The following SLC5A10 variants were observed in gnomAD, a reference collection of about 807,000 sequenced individuals.
The protein encoded by SLC5A10 is sodium/mannose cotransporter SLC5A10.
A neutral mutation model predicts 68.9 loss-of-function variants in SLC5A10; 55 were observed. That is an observed-to-expected ratio of 0.80 (90% CI 0.64 to 1.00). The LOEUF (loss-of-function observed/expected upper bound fraction) is 1.00, where lower values mean the gene tolerates loss of function less well. Among genes scored for constraint, SLC5A10 ranks in the 50% least tolerant of loss-of-function variants. The pLI is 0.00. For synonymous variants in SLC5A10, 344 were observed against 344.8 expected, an observed-to-expected ratio of 1.00 and a Z score of 0.02; for missense variants, 732 against 819.3, an observed-to-expected ratio of 0.89 and a Z score of 1.30.
At chr17:18,956,022 C>A (rs575244727) in intron 1 of SLC5A10, among the ~76,000 whole-genome samples, 82 of 152,134 alleles carry the variant, frequency 5.4e-4, no homozygotes, top group South Asian at 4.6e-3. Context: ...TGGAGGAACC[C>A]CATCTCTACT....
intron 1 of SLC5A10, among the ~76,000 whole-genome samples, chr17:18,954,899 C>T (rs1018093158): frequency 3.3e-5 from 5 of 151,850 alleles, no homozygotes; most frequent in African/African-American, 7.3e-5. Context: ...GGTGAAAGCC[C>T]GTCTCTACTT....
At chr17:19,005,268 G>A (rs1356338605) in intron 9 of SLC5A10, among the ~76,000 whole-genome samples, 2 of 152,160 alleles carry the variant, frequency 1.3e-5, no homozygotes, top group Non-Finnish European at 2.9e-5. Flanking sequence ...TCCCCTCTGG[G>A]AGGGGTCCCC....
rs1223867025 is a variant in SLC5A10, at chr17:18,977,133, G to T, written c.982+144G>T. On this transcript the variant is annotated intron_variant, in intron 9 of 14. Coordinates refer to ENST00000395645, the MANE Select transcript of SLC5A10 (RefSeq NM_001042450.4). ...GGGGAGTGGGGAGAGTGGTCCTCAG[G>T]GCCACAATCAAAGGGATTAACATGG... The T allele has an allele frequency of 4.4e-6, 5 of 1,146,908 alleles. No individual in the cohort carries two copies. The East Asian group carries it at 1.3e-4, about 29-fold the overall frequency. The allele number at this position is 1,146,908 out of a possible 1,614,324, so 71.0% of individuals were successfully genotyped here. A position where few individuals can be genotyped will look rare whatever the true frequency, so the allele number is the denominator to read the frequency against.
chr17:18,994,305 C>T (rs1441944286), intron 9 of SLC5A10, among the ~76,000 whole-genome samples: 1 of 152,180 alleles, frequency 6.6e-6, no homozygotes, highest in African/African-American at 2.4e-5. Flanking sequence ...CCTAGGATCA[C>T]CCCACTATTT....
intron 2 of SLC5A10, 134 bp from the exon 3 acceptor site, chr17:18,959,001 C>A: frequency 1.1e-6 from 1 of 874,094 alleles, no homozygotes; most frequent in Non-Finnish European, 1.7e-6. Context: ...AGAACACACA[C>A]CCTGGGCTCC....
At position 18,969,344 on chromosome 17, in the gene SLC5A10, G is replaced by A; in HGVS notation, c.562G>A (p.Gly188Ser). The A allele has an allele frequency of 6.2e-7, 1 of 1,613,266 alleles. No homozygotes were observed. ...GITALYTIAG[G>S]LAAVIYTDAL... ...AGCAACCTTGCTTCCACTGGCAGGG[G>A]GCCTGGCTGCTGTAATCTACACGGA... The change falls in exon 7 of 15, where the codon GGC becomes AGC. Residue 188 changes from glycine to serine, a missense_variant and splice_region_variant. By Grantham distance (56) the Gly-to-Ser change is moderately conservative. Coordinates refer to ENST00000395645, the MANE Select transcript of SLC5A10 (RefSeq NM_001042450.4).
intron 8 of SLC5A10, among the ~76,000 whole-genome samples, chr17:18,975,386 A>C (rs1381634839): frequency 6.6e-6 from 1 of 152,230 alleles, no homozygotes; most frequent in African/African-American, 2.4e-5. Context: ...AAGCTTGGAA[A>C]GTAAGTTAAA....
At chr17:19,007,293 A>G (rs2043914385) in intron 9 of SLC5A10, among the ~76,000 whole-genome samples, 1 of 149,624 alleles carries the variant, frequency 6.7e-6, no homozygotes, top group South Asian at 2.1e-4. Context: ...ATCTCTTTTC[A>G]TGGGCTTATA....
rs2043812755 is a variant in SLC5A10 at position 19,004,104 on chromosome 17, GC to G, written c.983-9303del. 1.1e-5 allele frequency: 17 copies of G among 1,489,518 alleles called. No individual in the cohort carries two copies. In the South Asian group the frequency reaches 2.3e-4, roughly 20 times the overall value. The allele number at this position is 1,489,518 out of a possible 1,614,324, so 92.3% of individuals were successfully genotyped here. On this transcript the variant is annotated intron_variant, in intron 9 of 14. Coordinates refer to ENST00000395645, the MANE Select transcript of SLC5A10 (RefSeq NM_001042450.4). This position sits in a 1 kb window ranked among gnomAD's most constrained non-coding sequence, Gnocchi z 5.4. ...GGGCAAGGTCCAGCTCCTAGCTCCG[GC>G]CCAGCTGGGGCACCGCGCGCTCGGG...
chr17:18,957,718 C>T (rs189170079), intron 1 of SLC5A10, among the ~76,000 whole-genome samples: 24 of 152,354 alleles, frequency 1.6e-4, no homozygotes, highest in Non-Finnish European at 2.5e-4. Context: ...CCCACCTCGG[C>T]CTCCCAAAGT....
rs2044221349 is a variant in SLC5A10 at position 19,019,734 on chromosome 17, G to A, written c.1432G>A (p.Ala478Thr). Residue 478 changes from alanine (A) to threonine (T), a missense_variant, in exon 13 of 15, where the codon GCA becomes ACA. By Grantham distance (58) the Ala-to-Thr change is moderately conservative. Transcript: ENST00000395645. The stretch of plus-strand genomic sequence containing the variant: ...CCAGGGGGCCTTCTGGGGCCTGATA[G>A]CAGGGCTGGTGGTGGGGGCCACGAG... Reference protein sequence around the residue: ...NEQGAFWGLIAGLVVGATRLV... With the variant: ...NEQGAFWGLITGLVVGATRLV... 1 of 1,611,488 alleles carries A rather than the reference G, an allele frequency of 6.2e-7. No individual in the cohort carries two copies. The highest frequency in any genetic ancestry group is 8.5e-7 in the Non-Finnish European group (1 of 1,179,668).
rs1470976157 is a variant in SLC5A10 at position 19,019,610 on chromosome 17, C to T, written c.1410+19C>T. ...CGAGCAGGTGGGCGTCGGCGGTCTG[C>T]TCTCCCTGGGGACGTGCCACAATTT... On this transcript the variant is annotated intron_variant, in intron 12 of 14. Transcript: ENST00000395645. The T allele has an allele frequency of 1.2e-6, 2 of 1,609,292 alleles. No homozygotes were observed. The highest frequency in any genetic ancestry group is 1.7e-6 in the Non-Finnish European group (2 of 1,179,408).
chr17:18,976,505 A>G lies in SLC5A10; in HGVS notation c.847-349A>G, dbSNP rs546306144. 12 of 226,108 alleles carry G rather than the reference A, an allele frequency of 5.3e-5. No homozygotes were observed. The South Asian group carries it at 1.6e-3, about 31-fold the overall frequency. The allele number at this position is 226,108 out of a possible 1,614,324, so 14.0% of individuals were successfully genotyped here. A position where few individuals can be genotyped will look rare whatever the true frequency, so the allele number is the denominator to read the frequency against. ...TGCTGTCATGAGGGTCCAGGAGATGAGGGTAGGGGTGTATGTCCCCATACC... is the reference window on the plus strand; with the variant it reads ...TGCTGTCATGAGGGTCCAGGAGATGGGGGTAGGGGTGTATGTCCCCATACC... On this transcript the variant is annotated intron_variant, in intron 8 of 14. Coordinates refer to ENST00000395645, the MANE Select transcript of SLC5A10 (RefSeq NM_001042450.4).
At position 19,001,379 on chromosome 17, in the gene SLC5A10, C is replaced by A. The variant is rs767916191; in HGVS notation, c.983-12031C>A. Reference sequence around the variant, plus strand: ...GTCTCTACTGCCTCTGAGGCCCCCACTGTGGGACCCTTGAGGACTCCCTGA... The same window carrying A: ...GTCTCTACTGCCTCTGAGGCCCCCAATGTGGGACCCTTGAGGACTCCCTGA... On this transcript the variant is annotated intron_variant, in intron 9 of 14. Coordinates refer to ENST00000395645, the MANE Select transcript of SLC5A10 (RefSeq NM_001042450.4). Among the ~76,000 whole-genome samples the A allele has an allele frequency of 6.9e-4, 105 of 152,318 alleles. 1 individual carries two copies. The highest frequency in any genetic ancestry group is 2.2e-3 in the Admixed American group (34 of 15,310).
rs182424051 is a variant in SLC5A10 at position 18,976,513 on chromosome 17, G to A, written c.847-341G>A. ...TGAGGGTCCAGGAGATGAGGGTAGG[G>A]GTGTATGTCCCCATACCACCCCACC... On this transcript the variant is annotated intron_variant, in intron 8 of 14. Coordinates refer to ENST00000395645, the MANE Select transcript of SLC5A10 (RefSeq NM_001042450.4). The A allele has an allele frequency of 2.5e-3, 705 of 282,078 alleles. 1 individual carries two copies. Among genetic ancestry groups the A allele is most frequent in the Middle Eastern group, 7.7e-3 (7 of 910 alleles). 17.5% of individuals were successfully genotyped at this position (282,078 alleles called of 1,614,324 possible).
At position 19,007,648 on chromosome 17, in the gene SLC5A10, A is replaced by G. The variant is rs2043922944; in HGVS notation, c.983-5762A>G. 2.0e-5 allele frequency among the ~76,000 whole-genome samples: 3 copies of G among 152,278 alleles called. No individual in the cohort carries two copies. In the South Asian group the frequency reaches 6.2e-4, roughly 32 times the overall value. On this transcript the variant is annotated intron_variant, in intron 9 of 14. Coordinates refer to ENST00000395645, the MANE Select transcript of SLC5A10 (RefSeq NM_001042450.4). Reference sequence around the variant, plus strand: ...CTGTTGAATTTCAAAAGTTCTTTATATATTCTAGCTACAGGACCTTTGTTG... The same window carrying G: ...CTGTTGAATTTCAAAAGTTCTTTATGTATTCTAGCTACAGGACCTTTGTTG...
chr17:18,979,585 A>G, intron 9 of SLC5A10: 2 of 1,613,528 alleles, frequency 1.2e-6, no homozygotes, highest in Non-Finnish European at 1.7e-6. Context: ...TCCATCCACA[A>G]ACATGAACTT....
rs1765101659 is a variant in SLC5A10, at chr17:19,018,465, G to A, written c.1242-958G>A. On this transcript the variant is annotated intron_variant, in intron 11 of 14. Coordinates refer to ENST00000395645, the MANE Select transcript of SLC5A10 (RefSeq NM_001042450.4). This position sits in a 1 kb window ranked among gnomAD's most constrained non-coding sequence, Gnocchi z 4.2. ...CAGCCCAGTCCGAGTGTAGGTAAGA[G>A]GCTCATCTGTTTTCTTTGCTGGACT... 1 of 152,290 alleles carries A rather than the reference G, an allele frequency of 6.6e-6. No individual in the cohort carries two copies. The highest frequency in any genetic ancestry group is 2.4e-5 in the African/African-American group (1 of 41,438). 9.4% of individuals were successfully genotyped at this position (152,290 alleles called of 1,614,324 possible).
At chr17:18,987,395 A>T (rs1670792550) in intron 9 of SLC5A10, among the ~76,000 whole-genome samples, 1 of 152,232 alleles carries the variant, frequency 6.6e-6, no homozygotes, top group African/African-American at 2.4e-5. Flanking sequence ...GCGCACGGCC[A>T]ATGCAAGAGA....
Sources: allele counts gnomAD v4.1 joint callset (sites outside exome capture counted in the v4.1 genomes callset), GRCh38; gene constraint gnomAD v4.1.1; non-coding constraint Gnocchi (gnomAD v3.1); transcripts MANE v1.5; gene names NCBI Gene and HGNC (gene_info 2026-07-23, HGNC 2026-07-21).